The following FBXO40 variants were observed in gnomAD, a reference collection of about 807,000 sequenced individuals.
FBXO40 encodes F-box protein 40, also known as F-box only protein 40.
In FBXO40, 50 loss-of-function variants were observed where a neutral mutation model predicts 49.9. The observed-to-expected ratio is 1.00, with a 90% confidence interval of 0.80 to 1.27. The LOEUF (loss-of-function observed/expected upper bound fraction) is 1.27. Among genes scored for constraint, FBXO40 ranks in the 50% most tolerant of loss-of-function variants. The pLI, the probability that FBXO40 is intolerant of heterozygous loss-of-function variation, is 0.00. For synonymous variants in FBXO40, 340 were observed against 320.2 expected (o/e 1.06, Z -0.66); for missense variants, 895 against 870.1 (o/e 1.03, Z -0.36).
rs758487971 is a variant in FBXO40 at position 121,622,900 on chromosome 3, C to T, written c.1471C>T (p.His491Tyr). Residue 491 changes from histidine to tyrosine, a missense_variant, in exon 3 of 4, where the codon CAC becomes TAC. Physicochemically the swap from His to Tyr is moderately conservative, Grantham distance 83 (BLOSUM62 2). Transcript: ENST00000338040. ...CTTCAGGAGGGATGAGTTCCCCCTG[C>T]ACTTCAAGAATGTCCACACAGACAT... ...KFFRRDEFPLHFKNVHTDIQS... is the reference protein window; with the variant it reads ...KFFRRDEFPLYFKNVHTDIQS... The T allele has an allele frequency of 5.6e-6, 9 of 1,614,100 alleles. No individual in the cohort carries two copies. Among genetic ancestry groups the T allele is most frequent in the Non-Finnish European group, 7.6e-6 (9 of 1,180,042 alleles).
At position 121,622,610 on chromosome 3, in the gene FBXO40, A is replaced by T; in HGVS notation, c.1181A>T (p.Asp394Val). ...ACTGTGGAGGACCTGCCCAAATCAG[A>T]TCTCATCAAGACCACCCTCCAGTGT... is the stretch of plus-strand genomic sequence containing the variant. ...GITVEDLPKS[D>V]LIKTTLQCAL... Residue 394 changes from aspartate (D) to valine (V), a missense_variant, in exon 3 of 4, where the codon GAT becomes GTT. Transcript: ENST00000338040. The T allele has an allele frequency of 6.2e-7, 1 of 1,614,218 alleles. No individual in the cohort carries two copies. Among genetic ancestry groups the T allele is most frequent in the South Asian group, 1.1e-5 (1 of 91,084 alleles).
In FBXO40 at chr3:121,627,607, G is replaced by A. The variant is rs9844563; in HGVS notation, c.*697G>A. 5.9e-3 allele frequency: 2,161 copies of A among 369,252 alleles called. 39 individuals are homozygous for A. Among genetic ancestry groups the A allele is most frequent in the African/African-American group, 0.04 (1,916 of 48,124 alleles). 22.9% of individuals were successfully genotyped at this position (369,252 alleles called of 1,614,324 possible). A position where few individuals can be genotyped will look rare whatever the true frequency, so the allele number is the denominator to read the frequency against. On this transcript the variant is annotated 3_prime_UTR_variant, in exon 4 of 4. Coordinates refer to ENST00000338040, the MANE Select transcript of FBXO40 (RefSeq NM_016298.4). ...TACAGCAGGAAAGCCTTGATAAATC[G>A]GGAGTCCAAAGGAGACACCATATTT...
chr3:121,603,017 T>C (rs1576450365), intron 1 of FBXO40, among the ~76,000 whole-genome samples: 1 of 152,222 alleles, frequency 6.6e-6, no homozygotes, highest in South Asian at 2.1e-4. Context: ...AAGATCAAGA[T>C]GCCAGCAGAT....
intron 1 of FBXO40, among the ~76,000 whole-genome samples, chr3:121,611,475 TAAA>T (rs1265459191): frequency 2.6e-5 from 4 of 151,980 alleles, no homozygotes; most frequent in African/African-American, 9.7e-5. Context: ...CTCAGCGGAG[TAAA>T]GAATAACAAG....
intron 1 of FBXO40, among the ~76,000 whole-genome samples, chr3:121,599,705 C>CATAT (rs1191192350): frequency 0.012 from 689 of 59,474 alleles, 14 homozygotes; most frequent in African/African-American, 0.04. Flanking sequence ...CACACACACA[C>CATAT]ATATATATAT....
At chr3:121,623,987 CTTTT>C (rs371355210) in intron 3 of FBXO40, among the ~76,000 whole-genome samples, 6 of 96,026 alleles carry the variant, frequency 6.2e-5, no homozygotes, top group Non-Finnish European at 9.7e-5. Context: ...TGCACCTGGC[CTTTT>C]TTTTTTTTTT....
Position 121,621,542 on chromosome 3 carries a change from G to T in FBXO40, c.113G>T (p.Cys38Phe). ...AACACCTCCTGCCTGGTAATAAGCT[G>T]CCACCTGCTCTGTGGTGCCACCTTC... The part of the protein sequence containing the change: ...EPNTSCLVIS[C>F]HLLCGATFHM... The change falls in exon 3 of 4, where the codon TGC becomes TTC. Residue 38 changes from cysteine to phenylalanine, a missense_variant. Transcript: ENST00000338040. 3 of 1,614,212 alleles carry T rather than the reference G, an allele frequency of 1.9e-6. No homozygotes were observed. The highest frequency in any genetic ancestry group is 2.5e-6 in the Non-Finnish European group (3 of 1,180,030).
chr3:121,600,353 T>G (rs866182216), intron 1 of FBXO40, among the ~76,000 whole-genome samples: 6 of 152,034 alleles, frequency 3.9e-5, no homozygotes, highest in Non-Finnish European at 5.9e-5. Context: ...TAGTGCATAG[T>G]TTTTAACCCT....
chr3:121,624,919 G>A (rs561359013), intron 3 of FBXO40, among the ~76,000 whole-genome samples: 5 of 152,080 alleles, frequency 3.3e-5, no homozygotes, highest in South Asian at 2.1e-4. Context: ...TGAGAGTGCC[G>A]CCTGTTCCCA....
In FBXO40 at chr3:121,622,426, G is replaced by A. The variant is rs770000601; in HGVS notation, c.997G>A (p.Asp333Asn). ...GCCTGCTTGTACACCCAAGGAGAGA[G>A]ACTTTGTTTATGGCAAGCTGGAGGC... ...QMPACTPKERDFVYGKLEAQE... is the reference protein window; with the variant it reads ...QMPACTPKERNFVYGKLEAQE... The change falls in exon 3 of 4, where the codon GAC (aspartate) becomes AAC (asparagine). Residue 333 changes from aspartate to asparagine, a missense_variant. Asp to Asn is a conservative substitution (Grantham distance 23). Transcript: ENST00000338040. 6.2e-7 allele frequency: 1 copy of A among 1,614,182 alleles called. No individual in the cohort carries two copies. Among genetic ancestry groups the A allele is most frequent in the Admixed American group, 1.7e-5 (1 of 60,018 alleles).
chr3:121,595,090 T>G (rs534064840), intron 1 of FBXO40, among the ~76,000 whole-genome samples: 3 of 152,336 alleles, frequency 2.0e-5, no homozygotes, highest in East Asian at 3.9e-4. Context: ...GTGTACAGGC[T>G]AAAGCCACCG....
At position 121,601,676 on chromosome 3, in the gene FBXO40, C is replaced by T. The variant is rs542467898; in HGVS notation, c.-31+8174C>T. Among the ~76,000 whole-genome samples the T allele has an allele frequency of 2.6e-5, 4 of 152,388 alleles. No individual in the cohort carries two copies. The East Asian group carries it at 7.7e-4, about 29-fold the overall frequency. The stretch of plus-strand genomic sequence containing the variant: ...ACTGAACTAGCCAGCCCTTCTTTTC[C>T]TTTCCAGGAACTGAGCTCAACTTAA... On this transcript the variant is annotated intron_variant, in intron 1 of 3. Transcript: ENST00000338040.
At position 121,627,642 on chromosome 3, in the gene FBXO40, A is replaced by G; in HGVS notation, c.*732A>G. ...AGGAGACACCATATTTATGGAGAAC[A>G]TTAGGACAAAAAGTCACCAACTTAC... On this transcript the variant is annotated 3_prime_UTR_variant, in exon 4 of 4. Transcript: ENST00000338040. 2.5e-6 allele frequency: 1 copy of G among 392,678 alleles called. No homozygotes were observed. 24.3% of individuals were successfully genotyped at this position (392,678 alleles called of 1,614,324 possible).
intron 1 of FBXO40, among the ~76,000 whole-genome samples, chr3:121,597,642 TG>T (rs1385017796): frequency 1.3e-5 from 2 of 148,358 alleles, no homozygotes; most frequent in African/African-American, 5.0e-5. Context: ...GCAACCCTAT[TG>T]GTTATTATAG....
At chr3:121,623,688 C>CTTTTT (rs11455375) in intron 3 of FBXO40, among the ~76,000 whole-genome samples, 1 of 128,964 alleles carries the variant, frequency 7.8e-6, no homozygotes, top group Admixed American at 8.0e-5. Flanking sequence ...TTTTAAAGGC[C>CTTTTT]TTTTTTTTTT....
intron 3 of FBXO40, among the ~76,000 whole-genome samples, chr3:121,624,388 C>T (rs1417581542): frequency 2.0e-5 from 3 of 152,114 alleles, no homozygotes; most frequent in Non-Finnish European, 4.4e-5. Context: ...AAAAGACAGA[C>T]CTATAAATAC....
At chr3:121,601,652 C>A (rs2048901958) in intron 1 of FBXO40, among the ~76,000 whole-genome samples, 1 of 152,248 alleles carries the variant, frequency 6.6e-6, no homozygotes, top group African/African-American at 2.4e-5. Flanking sequence ...TAGAAGCACA[C>A]TGAACTAGCC....
At chr3:121,608,086 A>G (rs1466581231) in intron 1 of FBXO40, among the ~76,000 whole-genome samples, 2 of 152,230 alleles carry the variant, frequency 1.3e-5, no homozygotes, top group African/African-American at 2.4e-5. Context: ...TGTGGGCACT[A>G]GGATGCCCAT....
chr3:121,626,461 T>C (rs778361172), intron 3 of FBXO40, among the ~76,000 whole-genome samples: 23 of 152,212 alleles, frequency 1.5e-4, no homozygotes, highest in East Asian at 3.8e-4. Context: ...AATATGCTGA[T>C]TGGTGTTAGT....
Sources: allele counts gnomAD v4.1 joint callset (sites outside exome capture counted in the v4.1 genomes callset), GRCh38; gene constraint gnomAD v4.1.1; transcripts MANE v1.5; gene names NCBI Gene and HGNC (gene_info 2026-07-23, HGNC 2026-07-21).